The following USP47 variants were observed in gnomAD, a reference collection of about 807,000 sequenced individuals.
USP47 encodes ubiquitin carboxyl-terminal hydrolase 47.
Under a neutral mutation model 165.1 loss-of-function variants are expected in USP47, and 35 were observed. That is an observed-to-expected ratio of 0.21 (90% CI 0.16 to 0.28). USP47 has a LOEUF of 0.28. Among genes scored for constraint, USP47 ranks in the 10% least tolerant of loss-of-function variants. USP47 has a pLI of 1.00. For missense variants in USP47, 1,277 were observed against 1,607.4 expected (o/e 0.79, Z 3.52); for synonymous variants, 531 against 544.5 (o/e 0.98, Z 0.35).
chr11:11,940,521 A>G lies in USP47; in HGVS notation c.2286A>G (p.Lys762=), dbSNP rs750893767. Residue 762 remains lysine, a synonymous_variant, in exon 19 of 28, where the codon AAA becomes AAG. Transcript: ENST00000527733. ...TCAGTGTCTCCAGTAAAACCCTGAAAGCTGAAGGATTTTTTAGAAGTAACA... is the reference window on the plus strand; with the variant it reads ...TCAGTGTCTCCAGTAAAACCCTGAAGGCTGAAGGATTTTTTAGAAGTAACA... ...RLLSVSSKTL[K]AEGFFRSNKV... The G allele has an allele frequency of 6.2e-7, 1 of 1,611,868 alleles. No individual in the cohort carries two copies. Among genetic ancestry groups the G allele is most frequent in the East Asian group, 2.2e-5 (1 of 44,834 alleles).
At chr11:11,923,566 GT>G in intron 11 of USP47, among the ~76,000 whole-genome samples, 1 of 151,974 alleles carries the variant, frequency 6.6e-6, no homozygotes, top group Non-Finnish European at 1.5e-5. Flanking sequence ...CATATATTCT[GT>G]TTTATTGAGG....
intron 1 of USP47, among the ~76,000 whole-genome samples, chr11:11,879,710 T>C (rs952818312): frequency 2.6e-5 from 4 of 152,124 alleles, no homozygotes; most frequent in Admixed American, 6.6e-5. Context: ...CCCTTAGTTA[T>C]AGATTTTTTA....
chr11:11,931,896 C>G (rs2134693535), intron 14 of USP47, among the ~76,000 whole-genome samples: 1 of 152,164 alleles, frequency 6.6e-6, no homozygotes, highest in East Asian at 1.9e-4. Flanking sequence ...ATATGTGAGT[C>G]TATAGTAATG....
At position 11,903,450 on chromosome 11, in the gene USP47, T is replaced by C. The variant is rs949057804; in HGVS notation, c.819+108T>C. The C allele has an allele frequency of 4.1e-6, 4 of 965,626 alleles. No homozygotes were observed. The African/African-American group carries it at 4.9e-5, about 12-fold the overall frequency. The allele number at this position is 965,626 out of a possible 1,614,324, so 59.8% of individuals were successfully genotyped here. ...TTTTAAAACTTGGGCATTAGTCTCA[T>C]GGTTAAAGTACCCAATGGGAAATTG... On this transcript the variant is annotated intron_variant, in intron 7 of 27. Coordinates refer to ENST00000527733, the MANE Select transcript of USP47 (RefSeq NM_001282659.2).
At chr11:11,880,531 CCTT>C (rs200608627) in intron 2 of USP47, among the ~76,000 whole-genome samples, 151 bp downstream of exon 2, 2,213 of 152,188 alleles carry the variant, frequency 0.015, 43 homozygotes, top group African/African-American at 0.05. Context: ...GTAATTGGAT[CCTT>C]CTTCTTCCTT....
intron 8 of USP47, among the ~76,000 whole-genome samples, chr11:11,907,023 T>C (rs1186675975): frequency 6.6e-6 from 1 of 152,220 alleles, no homozygotes; most frequent in Admixed American, 6.5e-5. Flanking sequence ...ATTAATTGAA[T>C]ATTGAGGAAG....
Position 11,892,051 on chromosome 11 carries a change from T to G in USP47, c.441T>G (p.Ser147Arg). Residue 147 changes from serine to arginine, a missense_variant, in exon 4 of 28, where the codon AGT (serine) becomes AGG (arginine). Coordinates refer to ENST00000527733, the MANE Select transcript of USP47 (RefSeq NM_001282659.2). ...LPREGSGGST[S>R]DYVSQSYSYS... ...GAGAAGGTTCTGGGGGTTCTACCAG[T>G]GATTATGTCAGCCAAAGCTACTCCT... is the stretch of plus-strand genomic sequence containing the variant. The G allele has an allele frequency of 6.2e-7, 1 of 1,613,916 alleles. No individual in the cohort carries two copies. The highest frequency in any genetic ancestry group is 8.5e-7 in the Non-Finnish European group (1 of 1,179,878).
chr11:11,950,662 AT>A (rs1342131209), intron 24 of USP47, among the ~76,000 whole-genome samples, 180 bp downstream of exon 24: 1 of 152,160 alleles, frequency 6.6e-6, no homozygotes, highest in Non-Finnish European at 1.5e-5. Context: ...CCTACGTCTT[AT>A]CCTTGGGAGT....
intron 14 of USP47, 92 bp downstream of exon 14, chr11:11,930,843 T>C: frequency 1.0e-6 from 1 of 987,880 alleles, no homozygotes; most frequent in Non-Finnish European, 1.5e-6. Flanking sequence ...TTTTAAATGA[T>C]AGGATAATTA....
At chr11:11,890,428 C>T (rs1851438483) in intron 3 of USP47, among the ~76,000 whole-genome samples, 2 of 152,004 alleles carry the variant, frequency 1.3e-5, no homozygotes, top group Non-Finnish European at 2.9e-5. Flanking sequence ...ATGCAGCCAA[C>T]AAACATGAAA....
intron 11 of USP47, 47 bp from the exon 12 acceptor site, chr11:11,929,387 G>T: frequency 1.9e-6 from 3 of 1,595,784 alleles, no homozygotes; most frequent in Non-Finnish European, 2.6e-6. Flanking sequence ...ACAAATAAGG[G>T]TTGTGTTTTC....
chr11:11,870,541 G>T (rs192834598), intron 1 of USP47, among the ~76,000 whole-genome samples: 1 of 152,180 alleles, frequency 6.6e-6, no homozygotes, highest in East Asian at 1.9e-4. Flanking sequence ...AGTTCCACTG[G>T]ATGCAAATTC....
chr11:11,877,048 C>T (rs933109759), intron 1 of USP47, among the ~76,000 whole-genome samples: 2 of 151,954 alleles, frequency 1.3e-5, no homozygotes, highest in Non-Finnish European at 2.9e-5. Flanking sequence ...CCCTAATTTC[C>T]CATTTCCAGA....
rs138252492 is a variant in USP47, at chr11:11,877,085, T to C, written c.40-3092T>C. 8.8e-3 allele frequency among the ~76,000 whole-genome samples: 1,344 copies of C among 152,294 alleles called. 17 individuals carry two copies. Among genetic ancestry groups the C allele is most frequent in the South Asian group, 0.025 (122 of 4,824 alleles). ...AAAACCTTTTTACATTTAAATGTTT[T>C]GGAAATGTTTCCTGCATGTTTAATT... is the stretch of plus-strand genomic sequence containing the variant. On this transcript the variant is annotated intron_variant, in intron 1 of 27. Transcript: ENST00000527733.
intron 4 of USP47, among the ~76,000 whole-genome samples, chr11:11,892,835 G>GA (rs981550941): frequency 9.1e-5 from 9 of 98,406 alleles, no homozygotes; most frequent in Non-Finnish European, 1.8e-4. Context: ...AAAAAAAAAA[G>GA]AAAAAGAAAA....
intron 1 of USP47, among the ~76,000 whole-genome samples, chr11:11,879,585 G>A (rs191158229): frequency 6.6e-6 from 1 of 152,060 alleles, no homozygotes; most frequent in Admixed American, 6.6e-5. Flanking sequence ...CCTCCTCCTG[G>A]CTCATCTGTT....
rs1014467549 is a variant in USP47 at position 11,942,417 on chromosome 11, C to A, written c.2396C>A (p.Ala799Glu). The A allele has an allele frequency of 2.5e-6, 4 of 1,613,486 alleles. No individual in the cohort carries two copies. The highest frequency in any genetic ancestry group is 3.4e-6 in the Non-Finnish European group (4 of 1,179,654). Residue 799 changes from alanine to glutamate, a missense_variant, in exon 20 of 28, where the codon GCA becomes GAA. Transcript: ENST00000527733. The stretch of plus-strand genomic sequence containing the variant: ...TTATGGAAACTCCTGGATCGGCATG[C>A]AAATACAATCAGATTATTTGTTTTG... ...SHLWKLLDRH[A>E]NTIRLFVLLP... is the part of the protein sequence containing the mutation.
chr11:11,900,623 A>G (rs1400339102), intron 5 of USP47, among the ~76,000 whole-genome samples: 3 of 152,348 alleles, frequency 2.0e-5, no homozygotes, highest in South Asian at 4.1e-4. Context: ...TTATTAAACC[A>G]GGCATGGATA....
intron 8 of USP47, among the ~76,000 whole-genome samples, chr11:11,915,750 T>C (rs1259115591): frequency 6.6e-6 from 1 of 152,180 alleles, no homozygotes; most frequent in Non-Finnish European, 1.5e-5. Flanking sequence ...TGTTAAAGTA[T>C]ATATTCGGGA....
Sources: gnomAD v4.1 joint callset for allele counts (sites outside exome capture counted in the v4.1 genomes callset) on GRCh38, gnomAD v4.1.1 for gene constraint, MANE v1.5 for transcripts, NCBI Gene and HGNC (gene_info 2026-07-23, HGNC 2026-07-21) for gene names.